Variants in MYRIP observed in about 807,000 individuals in gnomAD.
The protein encoded by MYRIP is myosin VIIA and Rab interacting protein.
Under a neutral mutation model 98.0 loss-of-function variants are expected in MYRIP, and 49 were observed. That is an observed-to-expected ratio of 0.50 (90% CI 0.40 to 0.63). MYRIP has a LOEUF of 0.63. Among genes scored for constraint, MYRIP ranks in the 30% least tolerant of loss-of-function variants. The pLI is 0.00. For missense variants in MYRIP, 1,004 were observed against 1,058.2 expected, an observed-to-expected ratio of 0.95 and a Z score of 0.71; for synonymous variants, 404 against 409.5, an observed-to-expected ratio of 0.99 and a Z score of 0.16.
chr3:40,213,424 C>G lies in MYRIP; in HGVS notation c.1905+3331C>G, dbSNP rs73827156. Among the ~76,000 whole-genome samples, 828 of 152,264 alleles carry G rather than the reference C, an allele frequency of 5.4e-3. 1 individual carries two copies. Among genetic ancestry groups the G allele is most frequent in the African/African-American group, 0.018 (752 of 41,550 alleles). On this transcript the variant is annotated intron_variant, in intron 11 of 16. Coordinates refer to ENST00000302541, the MANE Select transcript of MYRIP (RefSeq NM_015460.4). Reference sequence around the variant, plus strand: ...CATCCATCTGCTGGTACTGAAGGAACAGCTTAGTGCTGATCCCCATCAACA... The same window carrying G: ...CATCCATCTGCTGGTACTGAAGGAAGAGCTTAGTGCTGATCCCCATCAACA...
chr3:40,246,842 T>C (rs1490545376), intron 13 of MYRIP, among the ~76,000 whole-genome samples: 1 of 152,174 alleles, frequency 6.6e-6, no homozygotes, highest in Non-Finnish European at 1.5e-5. Flanking sequence ...TTAACCACTC[T>C]AGAGAATGAA....
intron 1 of MYRIP, among the ~76,000 whole-genome samples, chr3:39,861,798 A>T (rs1342834148): frequency 6.6e-6 from 1 of 152,196 alleles, no homozygotes; most frequent in African/African-American, 2.4e-5. Context: ...AAAGGAAAAA[A>T]CAATAAAGAA....
At chr3:39,903,540 G>A (rs1476271095) in intron 2 of MYRIP, among the ~76,000 whole-genome samples, 1 of 152,138 alleles carries the variant, frequency 6.6e-6, no homozygotes, top group Non-Finnish European at 1.5e-5. Flanking sequence ...ATAGGAGGTG[G>A]GAGTGTGAAT....
intron 1 of MYRIP, among the ~76,000 whole-genome samples, chr3:39,897,596 T>C (rs1458287553): frequency 6.6e-6 from 1 of 152,180 alleles, no homozygotes; most frequent in Non-Finnish European, 1.5e-5. Flanking sequence ...CTGGGACTGA[T>C]TGCATTTTCT....
At chr3:39,935,537 T>G (rs961272786) in intron 2 of MYRIP, among the ~76,000 whole-genome samples, 7 of 152,304 alleles carry the variant, frequency 4.6e-5, no homozygotes, top group African/African-American at 1.4e-4. Flanking sequence ...ACTGAGGACC[T>G]TGGCTCATGT....
At chr3:39,883,787 T>C (rs1248499768) in intron 1 of MYRIP, among the ~76,000 whole-genome samples, 2 of 151,918 alleles carry the variant, frequency 1.3e-5, no homozygotes, top group Admixed American at 6.6e-5. Context: ...GAATGATGTA[T>C]GAGAAAACAA....
intron 10 of MYRIP, among the ~76,000 whole-genome samples, chr3:40,202,879 A>G (rs13064331): frequency 0.094 from 14,330 of 151,842 alleles, 1,128 homozygotes; most frequent in African/African-American, 0.22. Context: ...CCCACCACTC[A>G]TATCCCCATC....
chr3:40,052,560 C>T (rs1358840810), intron 3 of MYRIP, among the ~76,000 whole-genome samples: 2 of 152,132 alleles, frequency 1.3e-5, no homozygotes, highest in African/African-American at 4.8e-5. Flanking sequence ...ATTAGTGGCA[C>T]TCTTTTCCAT....
At position 40,077,996 on chromosome 3, in the gene MYRIP, G is replaced by T. The variant is rs372562685; in HGVS notation, c.332+33725G>T. ...AGCAGGGGGTGGCGCTCGTTGGGGA[G>T]GGTCGGCCACACAGGAGCCCATGGA... On this transcript the variant is annotated intron_variant, in intron 3 of 16. Transcript: ENST00000302541. Among the ~76,000 whole-genome samples the T allele has an allele frequency of 4.9e-4, 74 of 152,362 alleles. No homozygotes were observed. In the East Asian group the frequency reaches 0.011, roughly 23 times the overall value.
chr3:39,956,683 C>T (rs1393143895), intron 2 of MYRIP, among the ~76,000 whole-genome samples: 1 of 148,912 alleles, frequency 6.7e-6, no homozygotes, highest in Non-Finnish European at 1.5e-5. Flanking sequence ...AAGATCAGAG[C>T]AGAACTGAAG....
intron 3 of MYRIP, among the ~76,000 whole-genome samples, chr3:40,054,187 A>G (rs942456520): frequency 7.2e-5 from 11 of 152,198 alleles, no homozygotes; most frequent in African/African-American, 2.4e-4. Flanking sequence ...CATGAGGTGC[A>G]TGAATTAAAT....
At chr3:40,074,212 C>A (rs1368783309) in intron 3 of MYRIP, among the ~76,000 whole-genome samples, 2 of 151,906 alleles carry the variant, frequency 1.3e-5, no homozygotes, top group Non-Finnish European at 2.9e-5. Flanking sequence ...GTAGGTGGGA[C>A]TACAGGTGCC....
chr3:40,226,231 T>C (rs1276246195), intron 11 of MYRIP, among the ~76,000 whole-genome samples: 2 of 152,348 alleles, frequency 1.3e-5, no homozygotes, highest in East Asian at 3.9e-4. Flanking sequence ...TGAAATGTTA[T>C]ATTTTTCTTT....
chr3:40,243,263 T>C (rs945002361), intron 12 of MYRIP, among the ~76,000 whole-genome samples: 1 of 152,178 alleles, frequency 6.6e-6, no homozygotes, highest in South Asian at 2.1e-4. Flanking sequence ...TCATCAAACC[T>C]GTACCTGCCT....
At chr3:40,089,723 G>C (rs1473763713) in intron 3 of MYRIP, among the ~76,000 whole-genome samples, 1 of 152,184 alleles carries the variant, frequency 6.6e-6, no homozygotes, top group East Asian at 1.9e-4. Context: ...CAAGGGAAGG[G>C]CCTCTCTCTG....
intron 1 of MYRIP, among the ~76,000 whole-genome samples, chr3:39,821,900 T>G (rs1941112819): frequency 6.6e-6 from 1 of 152,220 alleles, no homozygotes; most frequent in South Asian, 2.1e-4. Context: ...AGTTATTGGT[T>G]GCAGAGATTC....
rs535564531 is a variant in MYRIP at position 40,044,122 on chromosome 3, G to A, written c.183G>A (p.Glu61=). The A allele has an allele frequency of 1.2e-6, 2 of 1,614,178 alleles. No individual in the cohort carries two copies. Among genetic ancestry groups the A allele is most frequent in the Non-Finnish European group, 1.7e-6 (2 of 1,180,038 alleles). The change falls in exon 3 of 17, where the codon GAG becomes GAA. Residue 61 remains glutamate (E), a synonymous_variant. Coordinates refer to ENST00000302541, the MANE Select transcript of MYRIP (RefSeq NM_015460.4). Reference sequence around the variant, plus strand: ...TCTCGAAGCACCAGCAGTTTGTGGAGCACTGCTGCATGCGCTGCTGCTCGC... The same window carrying A: ...TCTCGAAGCACCAGCAGTTTGTGGAACACTGCTGCATGCGCTGCTGCTCGC... ...SILSKHQQFV[E]HCCMRCCSPF...
chr3:39,815,821 C>G (rs1019790741), intron 1 of MYRIP, among the ~76,000 whole-genome samples: 3 of 149,428 alleles, frequency 2.0e-5, no homozygotes, highest in African/African-American at 7.4e-5. Flanking sequence ...ATGGTGGTTA[C>G]TTTAGGTTTG....
intron 3 of MYRIP, among the ~76,000 whole-genome samples, chr3:40,142,367 C>T (rs2693487): frequency 0.71 from 108,497 of 152,010 alleles, 39,123 homozygotes; most frequent in Admixed American, 0.8. Flanking sequence ...GTTGATTTTT[C>T]AAAAGCTTTG....
Sources: allele counts gnomAD v4.1 joint callset (sites outside exome capture counted in the v4.1 genomes callset), GRCh38; gene constraint gnomAD v4.1.1; transcripts MANE v1.5; gene names NCBI Gene and HGNC (gene_info 2026-07-23, HGNC 2026-07-21).